The following DDX50 variants were observed in gnomAD, a reference collection of about 807,000 sequenced individuals.
DDX50 encodes the protein ATP-dependent RNA helicase DDX50.
Under a neutral mutation model 94.8 loss-of-function variants are expected in DDX50, and 56 were observed. The ratio of observed to expected loss-of-function variants is 0.59; its 90% confidence interval spans 0.48 to 0.74. The LOEUF (loss-of-function observed/expected upper bound fraction) is 0.74. Ranked by LOEUF, DDX50 falls within the 30% of genes least tolerant of loss-of-function variation. The probability of loss-of-function intolerance (pLI) is 0.00; values close to 1 mark genes in which losing one functional copy is unlikely to be tolerated. For missense variants in DDX50, 713 were observed against 881.2 expected (o/e 0.81, Z 2.42); for synonymous variants, 264 against 295.4 (o/e 0.89, Z 1.09).
At chr10:68,910,407 ATTG>A (rs761682138) in intron 3 of DDX50, 25 bp downstream of exon 3, 32 of 1,571,710 alleles carry the variant, frequency 2.0e-5, no homozygotes, top group African/African-American at 1.8e-4. Context: ...TGTTGTTGTT[ATTG>A]TTGTTGTTTT....
intron 11 of DDX50, among the ~76,000 whole-genome samples, chr10:68,936,400 A>G (rs1192668892): frequency 1.4e-5 from 2 of 139,444 alleles, no homozygotes; most frequent in Non-Finnish European, 3.1e-5. Flanking sequence ...GGAGCAGGAG[A>G]ATGGTGTGAA....
chr10:68,913,430 C>T lies in DDX50; in HGVS notation c.797C>T (p.Thr266Ile). Residue 266 changes from threonine to isoleucine, a missense_variant, in exon 6 of 15, where the codon ACA becomes ATA. Transcript: ENST00000373585. ...IRNGIDILVGTPGRIKDHLQS... is the reference protein window; with the variant it reads ...IRNGIDILVGIPGRIKDHLQS... ...AATGGTATTGACATCTTGGTTGGAA[C>T]ACCTGGTCGTATCAAAGACCATCTG... is the stretch of plus-strand genomic sequence containing the variant. 1 of 1,613,968 alleles carries T rather than the reference C, an allele frequency of 6.2e-7. No individual in the cohort carries two copies. The highest frequency in any genetic ancestry group is 8.5e-7 in the Non-Finnish European group (1 of 1,179,984).
Position 68,923,937 on chromosome 10 carries a change from C to CT in DDX50, c.1239+3986dup, listed in dbSNP as rs56820953. Among the ~76,000 whole-genome samples the CT allele has an allele frequency of 1.6e-3, 67 of 42,444 alleles. 12 individuals are homozygous for CT. The highest frequency in any genetic ancestry group is 3.8e-3 in the Admixed American group (9 of 2,378). 27.8% of individuals were successfully genotyped at this position (42,444 alleles called of 152,430 possible). A position where few individuals can be genotyped will look rare whatever the true frequency, so the allele number is the denominator to read the frequency against. On this transcript the variant is annotated intron_variant, in intron 8 of 14. Transcript: ENST00000373585. ...TCACTTTATTTGAGGAGATAGTCTG[C>CT]TTTTTTTTTTTTTTTTTTTTTTTTT...
chr10:68,908,265 GACATGGTGAA>G (rs1257316188), intron 2 of DDX50, among the ~76,000 whole-genome samples: 1 of 151,958 alleles, frequency 6.6e-6, no homozygotes, highest in Non-Finnish European at 1.5e-5. Context: ...CAGCCTGACC[GACATGGTGAA>G]ACCTGTCTCT....
At position 68,934,721 on chromosome 10, in the gene DDX50, A is replaced by G. The variant is rs906831701; in HGVS notation, c.1402-78A>G. 3 of 1,399,546 alleles carry G rather than the reference A, an allele frequency of 2.1e-6. No homozygotes were observed. In the African/African-American group the frequency reaches 4.5e-5, roughly 21 times the overall value. 86.7% of individuals were successfully genotyped at this position (1,399,546 alleles called of 1,614,324 possible). ...ACAGGATTGAAATAAATATATTATT[A>G]TTAACATTATTATTTGGATTCCGGA... On this transcript the variant is annotated intron_variant, in intron 9 of 14. Coordinates refer to ENST00000373585, the MANE Select transcript of DDX50 (RefSeq NM_024045.2). The surrounding 1 kb of genome is among the most constrained non-coding windows in gnomAD (Gnocchi z 4.0).
chr10:68,906,429 C>T (rs1841446492), intron 1 of DDX50: 1 of 283,416 alleles, frequency 3.5e-6, no homozygotes. Context: ...GGTTGTCTTT[C>T]TTTCCCTGAG....
In DDX50 at chr10:68,929,684, A is replaced by G. The variant is rs184905640; in HGVS notation, c.1240-4515A>G. Among the ~76,000 whole-genome samples, 479 of 150,526 alleles carry G rather than the reference A, an allele frequency of 3.2e-3. 7 individuals carry two copies. The highest frequency in any genetic ancestry group is 0.011 in the African/African-American group (449 of 40,970). ...CATGATCCGCCCACCTTGCTCTCCC[A>G]AAGTGCTGGGATTACAGGCATGAGC... On this transcript the variant is annotated intron_variant, in intron 8 of 14. Coordinates refer to ENST00000373585, the MANE Select transcript of DDX50 (RefSeq NM_024045.2).
chr10:68,923,143 G>T (rs903663210), intron 8 of DDX50, among the ~76,000 whole-genome samples: 2 of 142,152 alleles, frequency 1.4e-5, no homozygotes, highest in African/African-American at 2.6e-5. Context: ...TTCTGTTTGT[G>T]TGTGTGTATA....
chr10:68,934,072 G>T lies in DDX50; in HGVS notation c.1240-127G>T. The stretch of plus-strand genomic sequence containing the variant: ...GTTTGACTTTTTTTTTTTACAGTAA[G>T]CATGCATTGTTAAAATCATCAAAGT... On this transcript the variant is annotated intron_variant, in intron 8 of 14. Transcript: ENST00000373585. This position sits in a 1 kb window ranked among gnomAD's most constrained non-coding sequence, Gnocchi z 4.0. The T allele has an allele frequency of 1.2e-6, 1 of 843,710 alleles. No homozygotes were observed. The highest frequency in any genetic ancestry group is 1.7e-6 in the Non-Finnish European group (1 of 592,590). 52.3% of individuals were successfully genotyped at this position (843,710 alleles called of 1,614,324 possible).
intron 10 of DDX50, 138 bp downstream of exon 10, chr10:68,935,056 A>G: frequency 9.5e-7 from 1 of 1,047,320 alleles, no homozygotes. Context: ...GCCTGTGGAG[A>G]TCTAAATTTA....
chr10:68,934,067 A>T lies in DDX50; in HGVS notation c.1240-132A>T. ...GTCATGTTTGACTTTTTTTTTTTAC[A>T]GTAAGCATGCATTGTTAAAATCATC... On this transcript the variant is annotated intron_variant, in intron 8 of 14. Transcript: ENST00000373585. The surrounding 1 kb of genome is among the most constrained non-coding windows in gnomAD (Gnocchi z 4.0). 1 of 792,988 alleles carries T rather than the reference A, an allele frequency of 1.3e-6. No homozygotes were observed. The highest frequency in any genetic ancestry group is 1.8e-6 in the Non-Finnish European group (1 of 559,256). The allele number at this position is 792,988 out of a possible 1,614,324, so 49.1% of individuals were successfully genotyped here.
At chr10:68,912,050 TTAAA>T (rs1841640119) in intron 4 of DDX50, among the ~76,000 whole-genome samples, 1 of 152,208 alleles carries the variant, frequency 6.6e-6, no homozygotes, top group African/African-American at 2.4e-5. Context: ...ATAAATATAA[TTAAA>T]TCATAATAGT....
At chr10:68,917,364 A>G (rs370030715) in intron 7 of DDX50, among the ~76,000 whole-genome samples, 9 of 152,000 alleles carry the variant, frequency 5.9e-5, no homozygotes, top group African/African-American at 2.2e-4. Context: ...GGAGGCTGAG[A>G]AAGAAGAATC....
intron 8 of DDX50, among the ~76,000 whole-genome samples, chr10:68,920,305 G>A (rs1398284377): frequency 1.3e-5 from 2 of 152,090 alleles, no homozygotes; most frequent in Non-Finnish European, 2.9e-5. Context: ...GGGACTACAG[G>A]TGCGTGCCAC....
chr10:68,908,637 CTTTTTT>C (rs1157178909), intron 2 of DDX50, among the ~76,000 whole-genome samples: 3 of 95,754 alleles, frequency 3.1e-5, no homozygotes, highest in South Asian at 3.5e-4. Context: ...TTAAAATTTC[CTTTTTT>C]TTTTTTTTTT....
At chr10:68,901,621 A>G in intron 1 of DDX50, 150 bp downstream of exon 1, 1 of 818,086 alleles carries the variant, frequency 1.2e-6, no homozygotes, top group Non-Finnish European at 1.9e-6. Context: ...GGGGTCGCTC[A>G]GGGACCGTTT....
intron 2 of DDX50, among the ~76,000 whole-genome samples, chr10:68,909,482 A>G (rs1841562877): frequency 6.6e-6 from 1 of 152,232 alleles, no homozygotes; most frequent in African/African-American, 2.4e-5. Flanking sequence ...TATTTTCAGA[A>G]AAACTTTACA....
At chr10:68,919,001 A>G (rs974006760) in intron 7 of DDX50, among the ~76,000 whole-genome samples, 2 of 152,130 alleles carry the variant, frequency 1.3e-5, no homozygotes, top group Non-Finnish European at 2.9e-5. Flanking sequence ...CATACTTACC[A>G]TTGCCTACAG....
At chr10:68,925,330 G>A (rs1842056990) in intron 8 of DDX50, among the ~76,000 whole-genome samples, 2 of 151,234 alleles carry the variant, frequency 1.3e-5, no homozygotes, top group African/African-American at 4.9e-5. Flanking sequence ...GGCTGGTCTC[G>A]AACTCTCGAT....
Sources: allele counts gnomAD v4.1 joint callset (sites outside exome capture counted in the v4.1 genomes callset), GRCh38; gene constraint gnomAD v4.1.1; non-coding constraint Gnocchi (gnomAD v3.1); transcripts MANE v1.5; gene names NCBI Gene and HGNC (gene_info 2026-07-23, HGNC 2026-07-21).